GNL3: variants seen among roughly 807,000 people sequenced by gnomAD.
GNL3 encodes the protein guanine nucleotide-binding protein-like 3.
In GNL3, 77 loss-of-function variants were observed where a neutral mutation model predicts 70.6. The ratio of observed to expected loss-of-function variants is 1.09; its 90% confidence interval spans 0.91 to 1.32. The LOEUF (loss-of-function observed/expected upper bound fraction) is 1.32. GNL3 is among the 40% of genes most tolerant of loss of function. The probability of loss-of-function intolerance (pLI) is 0.00; values close to 1 mark genes in which losing one functional copy is unlikely to be tolerated. For missense variants in GNL3, 634 were observed against 644.0 expected, an observed-to-expected ratio of 0.98 and a Z score of 0.17; for synonymous variants, 252 against 216.1, an observed-to-expected ratio of 1.17 and a Z score of -1.46.
intron 6 of GNL3, among the ~76,000 whole-genome samples, chr3:52,690,263 TTTTC>T (rs1235069801): frequency 1.3e-5 from 2 of 151,994 alleles, no homozygotes; most frequent in South Asian, 2.1e-4. Flanking sequence ...GCAAATGTCT[TTTTC>T]TTTTTTTCTT....
chr3:52,689,681 T>C (rs1175582307), intron 6 of GNL3, among the ~76,000 whole-genome samples: 1 of 152,124 alleles, frequency 6.6e-6, no homozygotes, highest in Non-Finnish European at 1.5e-5. Flanking sequence ...TCTAAAATTG[T>C]TGTTGGGGTT....
At chr3:52,690,747 T>G (rs1304714379) in intron 7 of GNL3, 43 bp downstream of exon 7, 2 of 1,283,634 alleles carry the variant, frequency 1.6e-6, no homozygotes, top group African/African-American at 3.0e-5. Context: ...TTTCAGATTT[T>G]GGTTGAAATA....
At chr3:52,687,478 C>T (rs2154098893) in intron 3 of GNL3, 24 bp from the exon 4 acceptor site, 2 of 1,592,032 alleles carry the variant, frequency 1.3e-6, no homozygotes, top group Non-Finnish European at 1.7e-6. Context: ...ACTGGTTCAC[C>T]TATTTCCCTT....
At position 52,693,260 on chromosome 3, in the gene GNL3, G is replaced by A. The variant is rs1171446362; in HGVS notation, c.1118G>A (p.Gly373Asp). 2 of 1,614,084 alleles carry A rather than the reference G, an allele frequency of 1.2e-6. No individual in the cohort carries two copies. The highest frequency in any genetic ancestry group is 8.5e-7 in the Non-Finnish European group (1 of 1,179,962). The change falls in exon 11 of 15, where the codon GGT (glycine) becomes GAT (aspartate). Residue 373 changes from glycine to aspartate, a missense_variant. By Grantham distance (94) the Gly-to-Asp change is moderately conservative. Coordinates refer to ENST00000418458, the MANE Select transcript of GNL3 (RefSeq NM_014366.5). The stretch of plus-strand genomic sequence containing the variant: ...TTTACTGTGCTTGCTCAGAGAAGAG[G>A]TATGCACCAAAAAGGTGGAATCCCA... ...EFFTVLAQRR[G>D]MHQKGGIPNV...
chr3:52,689,561 C>T lies in GNL3; in HGVS notation c.541+355C>T, dbSNP rs76101717. Among the ~76,000 whole-genome samples, 606 of 152,190 alleles carry T rather than the reference C, an allele frequency of 4.0e-3. 2 individuals are homozygous for T. The highest frequency in any genetic ancestry group is 6.7e-3 in the Admixed American group (102 of 15,288). The stretch of plus-strand genomic sequence containing the variant: ...AGTTCAAGAGTGAAATAAATTGGAA[C>T]GTATGTGACAAAATATTTAAATGAA... On this transcript the variant is annotated intron_variant, in intron 6 of 14. Transcript: ENST00000418458.
chr3:52,688,700 A>G (rs903723960), intron 5 of GNL3, among the ~76,000 whole-genome samples: 6 of 152,288 alleles, frequency 3.9e-5, no homozygotes, highest in Non-Finnish European at 7.4e-5. Context: ...CCCATCCCCA[A>G]CATCCATTTT....
intron 5 of GNL3, 45 bp downstream of exon 5, chr3:52,688,237 A>C: frequency 8.8e-7 from 1 of 1,137,684 alleles, no homozygotes; most frequent in Non-Finnish European, 1.3e-6. Flanking sequence ...ATGAGGTTTA[A>C]AAGACTCAAG....
chr3:52,686,931 A>G, intron 2 of GNL3, 104 bp downstream of exon 2: 1 of 828,564 alleles, frequency 1.2e-6, no homozygotes, highest in Non-Finnish European at 2.0e-6. Context: ...GTTTTGGGAA[A>G]TGGCATTGGA....
intron 6 of GNL3, among the ~76,000 whole-genome samples, chr3:52,690,091 G>T (rs2097325854): frequency 1.3e-5 from 2 of 152,196 alleles, no homozygotes; most frequent in African/African-American, 4.8e-5. Context: ...GAGAAGTGCA[G>T]ATGCTGAGCT....
chr3:52,686,719 C>T (rs1161474543), intron 1 of GNL3, 50 bp from the exon 2 acceptor site: 7 of 1,391,972 alleles, frequency 5.0e-6, no homozygotes, highest in Non-Finnish European at 7.2e-6. Context: ...AGTGCGTTAA[C>T]CCAGAACTAA....
In GNL3 at chr3:52,689,122, C is replaced by G. The variant is rs2097324927; in HGVS notation, c.457C>G (p.Pro153Ala). Residue 153 changes from proline to alanine, a missense_variant, in exon 6 of 15, where the codon CCT becomes GCT. By Grantham distance (27) the Pro-to-Ala change is conservative. Transcript: ENST00000418458. ...VVLEVLDARD[P>A]LGCRCPQVEE... The stretch of plus-strand genomic sequence containing the variant: ...CCTAGAGGTGTTGGATGCCAGAGAT[C>G]CTCTTGGTTGCAGATGTCCTCAGGT... 1 of 1,612,694 alleles carries G rather than the reference C, an allele frequency of 6.2e-7. No individual in the cohort carries two copies. Among genetic ancestry groups the G allele is most frequent in the Non-Finnish European group, 8.5e-7 (1 of 1,178,660 alleles).
intron 13 of GNL3, 90 bp from the exon 14 acceptor site, chr3:52,693,947 C>T: frequency 7.6e-7 from 1 of 1,317,556 alleles, no homozygotes; most frequent in South Asian, 1.2e-5. Context: ...TATGTACCTC[C>T]AAAGAGTTAA....
intron 1 of GNL3, 105 bp from the exon 2 acceptor site, chr3:52,686,664 G>A (rs1229798711): frequency 2.5e-6 from 2 of 813,318 alleles, no homozygotes; most frequent in East Asian, 4.9e-5. Context: ...TAGACTTAAC[G>A]TTAGGTTTGG....
Position 52,692,953 on chromosome 3 carries a change from C to T in GNL3, c.951C>T (p.Ser317=). ...PSFIVSPLNS[S]SALALRSPAS... ...TCATCGTATCTCCACTTAATTCCTC[C>T]TCTGCGCTTGCTCTGCGAAGTCCAG... The change falls in exon 10 of 15, where the codon TCC becomes TCT. Residue 317 remains serine (S), a synonymous_variant. Coordinates refer to ENST00000418458, the MANE Select transcript of GNL3 (RefSeq NM_014366.5). 2 of 1,613,602 alleles carry T rather than the reference C, an allele frequency of 1.2e-6. No homozygotes were observed. Among genetic ancestry groups the T allele is most frequent in the Non-Finnish European group, 1.7e-6 (2 of 1,179,492 alleles).
chr3:52,692,572 C>T (rs1007612395), intron 9 of GNL3, among the ~76,000 whole-genome samples: 1 of 152,070 alleles, frequency 6.6e-6, no homozygotes, highest in African/African-American at 2.4e-5. Context: ...CCACCTCGGC[C>T]TCCCAAAGTG....
At chr3:52,687,158 A>T in intron 2 of GNL3, 88 bp from the exon 3 acceptor site, 1 of 1,126,316 alleles carries the variant, frequency 8.9e-7, no homozygotes, top group Non-Finnish European at 1.3e-6. Context: ...AGGCATAACT[A>T]AATTGCAGCC....
Position 52,686,032 on chromosome 3 carries a change from A to G in GNL3, c.-61A>G. 2 of 839,622 alleles carry G rather than the reference A, an allele frequency of 2.4e-6. No homozygotes were observed. The highest frequency in any genetic ancestry group is 4.2e-6 in the Non-Finnish European group (2 of 472,496). 52.0% of individuals were successfully genotyped at this position (839,622 alleles called of 1,614,324 possible). A position where few individuals can be genotyped will look rare whatever the true frequency, so the allele number is the denominator to read the frequency against. On this transcript the variant is annotated 5_prime_UTR_variant, in exon 1 of 15. Transcript: ENST00000418458. Reference sequence around the variant, plus strand: ...GTGCGTGACGCTCGTCAGTGGCTTCAGTTCACACGTGGCGCCAGCGGAGGC... The same window carrying G: ...GTGCGTGACGCTCGTCAGTGGCTTCGGTTCACACGTGGCGCCAGCGGAGGC...
intron 5 of GNL3, among the ~76,000 whole-genome samples, chr3:52,688,400 C>T (rs1467234249): frequency 6.6e-6 from 1 of 152,158 alleles, no homozygotes; most frequent in African/African-American, 2.4e-5. Flanking sequence ...TCCTCTCCCT[C>T]CTCCCACCTT....
At chr3:52,693,125 G>A (rs750972572) in intron 10 of GNL3, 62 bp from the exon 11 acceptor site, 4 of 1,596,628 alleles carry the variant, frequency 2.5e-6, no homozygotes, top group African/African-American at 2.7e-5. Context: ...AATCTTGGAA[G>A]TGTTTTAAAG....
Sources: allele counts gnomAD v4.1 joint callset (sites outside exome capture counted in the v4.1 genomes callset), GRCh38; gene constraint gnomAD v4.1.1; transcripts MANE v1.5; gene names NCBI Gene and HGNC (gene_info 2026-07-23, HGNC 2026-07-21).